The following SPSB4 variants were observed in gnomAD, a reference collection of about 807,000 sequenced individuals.
SPSB4 encodes the protein splA/ryanodine receptor domain and SOCS box containing 4.
SPSB4 carries 21 observed loss-of-function variants against 20.9 expected under a neutral mutation model. The ratio of observed to expected loss-of-function variants is 1.01; its 90% CI spans 0.71 to 1.45. The LOEUF is 1.45. SPSB4 is among the 40% of genes most tolerant of loss of function. SPSB4 has a pLI of 0.00. For synonymous variants in SPSB4, 207 were observed against 183.8 expected (o/e 1.13, Z -1.02); for missense variants, 399 against 399.2 (o/e 1.00, Z 0.00).
At chr3:141,076,274 G>A (rs1458762274) in intron 2 of SPSB4, among the ~76,000 whole-genome samples, 2 of 152,160 alleles carry the variant, frequency 1.3e-5, no homozygotes, top group Non-Finnish European at 2.9e-5. Flanking sequence ...TATGCCTTCT[G>A]CATTTCCTCC....
At chr3:141,086,919 G>A (rs1938354679) in intron 2 of SPSB4, among the ~76,000 whole-genome samples, 3 of 152,204 alleles carry the variant, frequency 2.0e-5, no homozygotes, top group Admixed American at 2.0e-4. Context: ...AGGAAGCTGA[G>A]AGTTGATCTC....
chr3:141,109,278 G>A (rs1474804672), intron 2 of SPSB4, among the ~76,000 whole-genome samples: 1 of 152,040 alleles, frequency 6.6e-6, no homozygotes, highest in Non-Finnish European at 1.5e-5. Context: ...ATATCTTGGA[G>A]GTGATTCAGC....
intron 1 of SPSB4, among the ~76,000 whole-genome samples, chr3:141,054,775 C>G (rs981246202): frequency 6.6e-6 from 1 of 152,184 alleles, no homozygotes; most frequent in Non-Finnish European, 1.5e-5. Context: ...ACTATCCTGG[C>G]TAACACAGTG....
chr3:141,137,278 A>G (rs911329866), intron 2 of SPSB4, among the ~76,000 whole-genome samples: 4 of 152,192 alleles, frequency 2.6e-5, no homozygotes, highest in African/African-American at 4.8e-5. Flanking sequence ...CAATCATGTC[A>G]TCTGCAAACA....
At chr3:141,111,806 G>A (rs1425028559) in intron 2 of SPSB4, among the ~76,000 whole-genome samples, 1 of 152,136 alleles carries the variant, frequency 6.6e-6, no homozygotes, top group Non-Finnish European at 1.5e-5. Flanking sequence ...CTTATTAAAT[G>A]TGATGTGCCC....
intron 2 of SPSB4, among the ~76,000 whole-genome samples, chr3:141,143,624 C>T (rs1224073670): frequency 6.6e-6 from 1 of 152,190 alleles, no homozygotes; most frequent in African/African-American, 2.4e-5. Context: ...GTAATATGGA[C>T]AGACTTGGGA....
intron 1 of SPSB4, among the ~76,000 whole-genome samples, chr3:141,057,351 G>A (rs1937667410): frequency 6.6e-6 from 1 of 152,138 alleles, no homozygotes; most frequent in Non-Finnish European, 1.5e-5. Flanking sequence ...CTAAGGTCAG[G>A]CACCTATCAT....
rs115407551 is a variant in SPSB4 at position 141,141,734 on chromosome 3, G to A, written c.695-5408G>A. Among the ~76,000 whole-genome samples the A allele has an allele frequency of 3.5e-3, 529 of 152,186 alleles. 5 individuals carry two copies. The highest frequency in any genetic ancestry group is 5.9e-3 in the Non-Finnish European group (399 of 68,014). ...ATTTCAATTTCACTATTTGTTACTGGTCTGTTCGGAATTTCTATTTCTTCC... is the reference window on the plus strand; with the variant it reads ...ATTTCAATTTCACTATTTGTTACTGATCTGTTCGGAATTTCTATTTCTTCC... On this transcript the variant is annotated intron_variant, in intron 2 of 2. Transcript: ENST00000310546.
intron 2 of SPSB4, among the ~76,000 whole-genome samples, chr3:141,116,214 C>A (rs918801869): frequency 6.6e-6 from 1 of 152,140 alleles, no homozygotes; most frequent in African/African-American, 2.4e-5. Flanking sequence ...TGATGGTGGT[C>A]GTTCTGGTGG....
At chr3:141,093,266 TATG>T (rs1938489126) in intron 2 of SPSB4, among the ~76,000 whole-genome samples, 2 of 151,316 alleles carry the variant, frequency 1.3e-5, no homozygotes, top group Non-Finnish European at 2.9e-5. Flanking sequence ...GCCAGCTGAA[TATG>T]ATGACAACAA....
chr3:141,071,988 CCTT>C (rs1265128452), intron 2 of SPSB4, among the ~76,000 whole-genome samples: 1 of 152,250 alleles, frequency 6.6e-6, no homozygotes, highest in African/African-American at 2.4e-5. Context: ...GCACTCAAGA[CCTT>C]CTCGCTAGAC....
At chr3:141,103,428 C>T (rs1205766987) in intron 2 of SPSB4, among the ~76,000 whole-genome samples, 1 of 152,208 alleles carries the variant, frequency 6.6e-6, no homozygotes, top group African/African-American at 2.4e-5. Context: ...CGGAACAGCA[C>T]ACACTTTTGG....
In SPSB4 at chr3:141,066,333, C is replaced by G; in HGVS notation, c.229C>G (p.Arg77Gly). 6.4e-7 allele frequency: 1 copy of G among 1,565,746 alleles called. No homozygotes were observed. Among genetic ancestry groups the G allele is most frequent in the East Asian group, 2.4e-5 (1 of 41,624 alleles). The change falls in exon 2 of 3, where the codon CGG becomes GGG. Residue 77 changes from arginine to glycine, a missense_variant. By Grantham distance (125) the Arg-to-Gly change is moderately radical. Coordinates refer to ENST00000310546, the MANE Select transcript of SPSB4 (RefSeq NM_080862.3). ...VKDDDRLTFH[R>G]HPVAQSTDGI... ...GGACGACGACCGGCTCACCTTCCAC[C>G]GGCACCCCGTGGCCCAGAGCACCGA...
chr3:141,105,715 G>A (rs1017604760), intron 2 of SPSB4, among the ~76,000 whole-genome samples: 2 of 152,210 alleles, frequency 1.3e-5, no homozygotes, highest in Admixed American at 1.3e-4. Context: ...ACAGGGTTAG[G>A]AAGAGGCAAG....
chr3:141,096,445 A>G (rs983864580), intron 2 of SPSB4, among the ~76,000 whole-genome samples: 2 of 152,200 alleles, frequency 1.3e-5, no homozygotes, highest in African/African-American at 4.8e-5. Flanking sequence ...ACTTTCTTTC[A>G]TGGAACATAT....
chr3:141,065,471 C>T (rs1265025278), intron 1 of SPSB4, among the ~76,000 whole-genome samples: 4 of 152,230 alleles, frequency 2.6e-5, no homozygotes, highest in East Asian at 3.8e-4. Flanking sequence ...TGGCACAAGG[C>T]TTGTCCCCTG....
intron 2 of SPSB4, among the ~76,000 whole-genome samples, chr3:141,125,963 T>A (rs1939043760): frequency 6.6e-6 from 1 of 152,112 alleles, no homozygotes; most frequent in Non-Finnish European, 1.5e-5. Context: ...GGAGATTTTG[T>A]GGGAAGGCCA....
At chr3:141,121,211 C>A (rs967272942) in intron 2 of SPSB4, among the ~76,000 whole-genome samples, 13 of 152,138 alleles carry the variant, frequency 8.5e-5, no homozygotes, top group Non-Finnish European at 1.9e-4. Context: ...GTTGAAAATT[C>A]TTTTCTTTAA....
intron 2 of SPSB4, among the ~76,000 whole-genome samples, chr3:141,125,727 G>A (rs912114047): frequency 2.0e-5 from 3 of 152,178 alleles, no homozygotes; most frequent in African/African-American, 7.2e-5. Flanking sequence ...TCCTCCCTCT[G>A]CTTATATTCA....
Sources: gnomAD v4.1 joint callset for allele counts (sites outside exome capture counted in the v4.1 genomes callset) on GRCh38, gnomAD v4.1.1 for gene constraint, MANE v1.5 for transcripts, NCBI Gene and HGNC (gene_info 2026-07-23, HGNC 2026-07-21) for gene names.